CALD1: variants seen among roughly 807,000 people sequenced by gnomAD.
The protein encoded by CALD1 is caldesmon.
CALD1 carries 33 observed loss-of-function variants against 99.9 expected under a neutral mutation model. That is an observed-to-expected ratio of 0.33 (90% confidence interval 0.25 to 0.44). The LOEUF (loss-of-function observed/expected upper bound fraction) is 0.44, where lower values mean the gene tolerates loss of function less well. Ranked by LOEUF, CALD1 falls within the 20% of genes least tolerant of loss-of-function variation. The probability of loss-of-function intolerance (pLI) is 1.00; values close to 1 mark genes in which losing one functional copy is unlikely to be tolerated. For synonymous variants in CALD1, 310 were observed against 325.0 expected, an observed-to-expected ratio of 0.95 and a Z score of 0.50; for missense variants, 861 against 962.1, an observed-to-expected ratio of 0.89 and a Z score of 1.39.
At chr7:134,789,841 G>T (rs190106927) in intron 1 of CALD1, among the ~76,000 whole-genome samples, 4 of 152,080 alleles carry the variant, frequency 2.6e-5, no homozygotes, top group Admixed American at 6.6e-5. Flanking sequence ...TCTGAAGCAC[G>T]AACCTCGCTG....
upstream of CALD1, among the ~76,000 whole-genome samples, chr7:134,744,093 G>T (rs77610879): frequency 0.054 from 8,196 of 152,332 alleles, 338 homozygotes; most frequent in Non-Finnish European, 0.071. Context: ...ACCGAGGAGA[G>T]AAGATGCAAG....
chr7:134,811,959 G>T (rs1226898805), intron 1 of CALD1, among the ~76,000 whole-genome samples: 1 of 152,156 alleles, frequency 6.6e-6, no homozygotes, highest in Non-Finnish European at 1.5e-5. Flanking sequence ...CAAAAGGAAT[G>T]AAACATATTT....
chr7:134,882,850 GA>G (rs1554450072), intron 3 of CALD1, among the ~76,000 whole-genome samples: 2 of 152,122 alleles, frequency 1.3e-5, no homozygotes, highest in Non-Finnish European at 2.9e-5. Flanking sequence ...GACCAAAAAA[GA>G]AAAAGAAGAA....
chr7:134,791,914 A>C (rs1203433953), intron 1 of CALD1, among the ~76,000 whole-genome samples: 1 of 151,990 alleles, frequency 6.6e-6, no homozygotes, highest in Non-Finnish European at 1.5e-5. Context: ...GTGCAGGGGA[A>C]CTCCCATTTA....
chr7:134,921,507 A>G (rs1017657788), intron 3 of CALD1, among the ~76,000 whole-genome samples: 9 of 152,196 alleles, frequency 5.9e-5, no homozygotes, highest in African/African-American at 2.2e-4. Context: ...AAGCATGGGA[A>G]TGTAAATTAA....
intron 1 of CALD1, among the ~76,000 whole-genome samples, chr7:134,835,646 G>A (rs1270376735): frequency 1.3e-5 from 2 of 152,112 alleles, no homozygotes; most frequent in Non-Finnish European, 1.5e-5. Flanking sequence ...TAGATAATCC[G>A]ATCGTGATGA....
At chr7:134,812,087 C>G (rs1463822367) in intron 1 of CALD1, among the ~76,000 whole-genome samples, 1 of 152,148 alleles carries the variant, frequency 6.6e-6, no homozygotes, top group Non-Finnish European at 1.5e-5. Context: ...AGGTTTTTGT[C>G]TGGCCTGGGA....
At chr7:134,901,375 C>T (rs1370703181) in intron 3 of CALD1, among the ~76,000 whole-genome samples, 2 of 151,990 alleles carry the variant, frequency 1.3e-5, no homozygotes, top group Admixed American at 6.5e-5. Flanking sequence ...GAGGAATATA[C>T]ATGTAAAGTG....
chr7:134,714,168 T>TGTA, the CALD1 span, among the ~76,000 whole-genome samples: 1 of 152,200 alleles, frequency 6.6e-6, no homozygotes, highest in Admixed American at 6.5e-5. Context: ...CCATGCTTCC[T>TGTA]GTACAGCCTG....
rs775796981 is a variant in CALD1, at chr7:134,941,109, T to G, written c.1404T>G (p.Ile468Met). Reference protein sequence around the residue: ...FKKEEIKDEKIKKDKEPKEEV... With the variant: ...FKKEEIKDEKMKKDKEPKEEV... ...TTGGTTAGATCAAAGATGAAAAGAT[T>G]AAAAAGGACAAAGAACCCAAAGAAG... The change falls in exon 7 of 15, where the codon ATT becomes ATG. Residue 468 changes from isoleucine to methionine, a missense_variant. Ile to Met is a conservative substitution (Grantham distance 10, BLOSUM62 1). Coordinates refer to ENST00000361675, the MANE Select transcript of CALD1 (RefSeq NM_033138.4). 1.9e-5 allele frequency: 31 copies of G among 1,608,416 alleles called. No homozygotes were observed. The highest frequency in any genetic ancestry group is 1.7e-4 in the Middle Eastern group (1 of 6,020).
intron 1 of CALD1, among the ~76,000 whole-genome samples, chr7:134,835,499 G>T (rs1371068500): frequency 6.6e-6 from 1 of 152,134 alleles, no homozygotes; most frequent in African/African-American, 2.4e-5. Context: ...ATTTCAATCA[G>T]TAGTCAAAAC....
chr7:134,884,809 G>A (rs1161471172), intron 3 of CALD1, among the ~76,000 whole-genome samples: 1 of 152,080 alleles, frequency 6.6e-6, no homozygotes, highest in Non-Finnish European at 1.5e-5. Flanking sequence ...GTGCAAAAGT[G>A]GTGGTAGGAA....
intron 7 of CALD1, among the ~76,000 whole-genome samples, chr7:134,946,071 A>G (rs1487065397): frequency 6.6e-6 from 1 of 152,178 alleles, no homozygotes; most frequent in African/African-American, 2.4e-5. Flanking sequence ...CTTACGGGAA[A>G]GGACTAGTAA....
At chr7:134,837,737 T>C (rs976175587) in intron 1 of CALD1, among the ~76,000 whole-genome samples, 5 of 152,308 alleles carry the variant, frequency 3.3e-5, no homozygotes, top group South Asian at 2.1e-4. Context: ...GCCCTTACCA[T>C]TGGGAAGCCC....
At chr7:134,891,745 TAAAAAAAAAA>T (rs10607357) in intron 3 of CALD1, 8 of 427,610 alleles carry the variant, frequency 1.9e-5, no homozygotes, top group Admixed American at 1.2e-4. Context: ...CGAATTGTTG[TAAAAAAAAAA>T]AAAAAAAAAA....
At chr7:134,814,008 A>G (rs1193898699) in intron 1 of CALD1, among the ~76,000 whole-genome samples, 1 of 152,172 alleles carries the variant, frequency 6.6e-6, no homozygotes, top group Non-Finnish European at 1.5e-5. Flanking sequence ...GAAATCGCTG[A>G]GAATTATGGC....
rs1203099984 is a variant in CALD1 at position 134,779,636 on chromosome 7, T to A, written c.-243T>A. 1 of 398,560 alleles carries A rather than the reference T, an allele frequency of 2.5e-6. No individual in the cohort carries two copies. Among genetic ancestry groups the A allele is most frequent in the African/African-American group, 2.1e-5 (1 of 48,604 alleles). 24.7% of individuals were successfully genotyped at this position (398,560 alleles called of 1,614,324 possible). On this transcript the variant is annotated 5_prime_UTR_variant, in exon 1 of 15. Coordinates refer to ENST00000361675, the MANE Select transcript of CALD1 (RefSeq NM_033138.4). ...TCTGGAGTTTTATTGAATAGAGCAG[T>A]GTGTATTCGGCTGCCTGCCTGCCCG...
At position 134,933,945 on chromosome 7, in the gene CALD1, A is replaced by G. The variant is rs1805744043; in HGVS notation, c.1176A>G (p.Leu392=). 2 of 1,614,006 alleles carry G rather than the reference A, an allele frequency of 1.2e-6. No homozygotes were observed. The highest frequency in any genetic ancestry group is 1.7e-5 in the Admixed American group (1 of 60,010). The change falls in exon 5 of 15, where the codon CTA becomes CTG. Residue 392 remains leucine, a synonymous_variant. Coordinates refer to ENST00000361675, the MANE Select transcript of CALD1 (RefSeq NM_033138.4). The part of the protein sequence containing the change: ...KVEEQKRNKQ[L]EEKKHAMQET... ...AAGAGCAGAAACGTAACAAGCAGCT[A>G]GAAGAGAAAAAACATGCCATGCAAG... is the stretch of plus-strand genomic sequence containing the variant.
At chr7:134,899,042 C>T (rs1175459396) in intron 3 of CALD1, among the ~76,000 whole-genome samples, 1 of 152,068 alleles carries the variant, frequency 6.6e-6, no homozygotes, top group Non-Finnish European at 1.5e-5. Flanking sequence ...TAAAACCAAC[C>T]ACTAAAAGAG....
Sources: gnomAD v4.1 joint callset for allele counts (sites outside exome capture counted in the v4.1 genomes callset) on GRCh38, gnomAD v4.1.1 for gene constraint, MANE v1.5 for transcripts, NCBI Gene and HGNC (gene_info 2026-07-23, HGNC 2026-07-21) for gene names.